The following GNAQ variants were observed in gnomAD, a reference collection of about 807,000 sequenced individuals.
The protein encoded by GNAQ is guanine nucleotide-binding protein G(q) subunit alpha.
In GNAQ, 8 loss-of-function variants were observed where a neutral mutation model predicts 43.9. The observed-to-expected ratio is 0.18, with a 90% CI of 0.11 to 0.33. The LOEUF (loss-of-function observed/expected upper bound fraction) is 0.33, where lower values mean the gene tolerates loss of function less well. Among genes scored for constraint, GNAQ ranks in the 10% least tolerant of loss-of-function variants. GNAQ has a pLI of 1.00. For synonymous variants in GNAQ, 155 were observed against 170.7 expected (o/e 0.91, Z 0.71); for missense variants, 158 against 450.8 (o/e 0.35, Z 5.88).
At chr9:77,907,544 C>T (rs568326009) in intron 2 of GNAQ, among the ~76,000 whole-genome samples, 28 of 151,944 alleles carry the variant, frequency 1.8e-4, no homozygotes, top group Non-Finnish European at 3.2e-4. Flanking sequence ...TCCTCTGGCT[C>T]GAAGAGAAAT....
At chr9:77,729,277 A>G (rs1825448086) in intron 5 of GNAQ, among the ~76,000 whole-genome samples, 2 of 152,204 alleles carry the variant, frequency 1.3e-5, no homozygotes, top group African/African-American at 4.8e-5. Flanking sequence ...ATGTTTCACT[A>G]TACTATTAAT....
intron 2 of GNAQ, among the ~76,000 whole-genome samples, chr9:77,851,257 C>T (rs1827672503): frequency 6.6e-6 from 1 of 152,116 alleles, no homozygotes; most frequent in South Asian, 2.1e-4. Context: ...GATGAAAACC[C>T]CATTTTTTCC....
In GNAQ at chr9:77,898,210, T is replaced by G. The variant is rs573475434; in HGVS notation, c.321+23951A>C. Among the ~76,000 whole-genome samples the G allele has an allele frequency of 2.6e-5, 4 of 152,342 alleles. No homozygotes were observed. In the South Asian group the frequency reaches 8.3e-4, roughly 32 times the overall value. On this transcript the variant is annotated intron_variant, in intron 2 of 6. Coordinates refer to ENST00000286548, the MANE Select transcript of GNAQ (RefSeq NM_002072.5). Reference sequence around the variant, plus strand: ...CCCACATGCTGTGCATTACTGTTACTTAATGCTAATAAAAGGCACAATATA... The same window carrying G: ...CCCACATGCTGTGCATTACTGTTACGTAATGCTAATAAAAGGCACAATATA...
intron 2 of GNAQ, among the ~76,000 whole-genome samples, chr9:77,836,888 GGAGTA>G (rs1443046121): frequency 2.0e-5 from 3 of 152,158 alleles, no homozygotes; most frequent in Non-Finnish European, 4.4e-5. Flanking sequence ...AAGAACAGGT[GGAGTA>G]GAGATAGGAC....
intron 2 of GNAQ, among the ~76,000 whole-genome samples, chr9:77,887,692 T>A (rs1828332368): frequency 1.3e-5 from 2 of 152,206 alleles, no homozygotes; most frequent in South Asian, 4.1e-4. Flanking sequence ...TTCCTATTAT[T>A]GTTCTACCAT....
Position 77,966,805 on chromosome 9 carries a change from A to T in GNAQ, c.137-44460T>A, listed in dbSNP as rs1823173171. Among the ~76,000 whole-genome samples the T allele has an allele frequency of 2.0e-5, 3 of 152,124 alleles. No homozygotes were observed. In the South Asian group the frequency reaches 6.2e-4, roughly 31 times the overall value. On this transcript the variant is annotated intron_variant, in intron 1 of 6. Transcript: ENST00000286548. ...CCTTGGCACAGGAGATGGACTGTGG[A>T]CCTCTCCATTCTTCAACAAACTATG...
chr9:77,985,831 A>G (rs1343004358), intron 1 of GNAQ, among the ~76,000 whole-genome samples: 1 of 151,944 alleles, frequency 6.6e-6, no homozygotes, highest in South Asian at 2.1e-4. Context: ...CAGGTGATCC[A>G]CCCGCTTCAG....
At chr9:77,886,635 A>G (rs994417451) in intron 2 of GNAQ, among the ~76,000 whole-genome samples, 2 of 152,218 alleles carry the variant, frequency 1.3e-5, no homozygotes, top group East Asian at 1.9e-4. Context: ...AAGACAAATG[A>G]AAGAGTAAAT....
intron 2 of GNAQ, among the ~76,000 whole-genome samples, chr9:77,884,964 T>C (rs1828278913): frequency 6.6e-6 from 1 of 152,216 alleles, no homozygotes; most frequent in African/African-American, 2.4e-5. Context: ...CAAAGCTTTA[T>C]CTGTAAAATG....
At chr9:77,871,804 C>G (rs528391211) in intron 2 of GNAQ, among the ~76,000 whole-genome samples, 42 of 152,238 alleles carry the variant, frequency 2.8e-4, no homozygotes, top group Admixed American at 1.4e-3. Context: ...AGTGGCATAA[C>G]AGAAAAATCT....
chr9:77,884,494 A>C (rs2118080162), intron 2 of GNAQ, among the ~76,000 whole-genome samples: 1 of 152,362 alleles, frequency 6.6e-6, no homozygotes, highest in Admixed American at 6.5e-5. Flanking sequence ...AAGCTGCAAC[A>C]AAAGTGCGAC....
intron 2 of GNAQ, among the ~76,000 whole-genome samples, chr9:77,826,953 T>C (rs1827207367): frequency 6.6e-6 from 1 of 152,170 alleles, no homozygotes; most frequent in Admixed American, 6.5e-5. Context: ...ACAAAAACAA[T>C]CATTTCTACG....
At chr9:77,992,305 G>T (rs577100046) in intron 1 of GNAQ, among the ~76,000 whole-genome samples, 4 of 152,042 alleles carry the variant, frequency 2.6e-5, no homozygotes, top group African/African-American at 7.2e-5. Flanking sequence ...CTTAATTTCC[G>T]TAACAGAAAA....
intron 1 of GNAQ, among the ~76,000 whole-genome samples, chr9:78,000,367 CA>C: frequency 6.6e-6 from 1 of 152,280 alleles, no homozygotes. Context: ...TGTCTACACA[CA>C]TATCATTAAG....
At chr9:77,731,689 G>A (rs989201624) in intron 5 of GNAQ, among the ~76,000 whole-genome samples, 10 of 152,038 alleles carry the variant, frequency 6.6e-5, no homozygotes, top group South Asian at 2.1e-4. Flanking sequence ...ACATGGGGTC[G>A]TCTTAAAACA....
chr9:77,994,961 C>G (rs943847202), intron 1 of GNAQ, among the ~76,000 whole-genome samples: 1 of 152,068 alleles, frequency 6.6e-6, no homozygotes, highest in Admixed American at 6.5e-5. Context: ...TAAGCACCTA[C>G]CTATCGAGAA....
At chr9:77,918,973 G>A (rs1264130187) in intron 2 of GNAQ, among the ~76,000 whole-genome samples, 2 of 152,178 alleles carry the variant, frequency 1.3e-5, no homozygotes, top group African/African-American at 4.8e-5. Flanking sequence ...AGGCTGCAGC[G>A]TAGCGGCATG....
intron 4 of GNAQ, among the ~76,000 whole-genome samples, chr9:77,796,449 C>A (rs1205868817): frequency 6.6e-6 from 1 of 152,176 alleles, no homozygotes; most frequent in Non-Finnish European, 1.5e-5. Flanking sequence ...TCTCAAAGCA[C>A]CATGTAGTTT....
At chr9:78,024,235 A>G (rs1823948175) in intron 1 of GNAQ, among the ~76,000 whole-genome samples, 1 of 152,226 alleles carries the variant, frequency 6.6e-6, no homozygotes, top group South Asian at 2.1e-4. Context: ...GGAAGGCAAG[A>G]AGGCAAAAAC....
Sources: allele counts gnomAD v4.1 joint callset (sites outside exome capture counted in the v4.1 genomes callset), GRCh38; gene constraint gnomAD v4.1.1; transcripts MANE v1.5; gene names NCBI Gene and HGNC (gene_info 2026-07-23, HGNC 2026-07-21).